The following ENOX1 variants were observed in gnomAD, a reference collection of about 807,000 sequenced individuals.
The protein encoded by ENOX1 is ecto-NOX disulfide-thiol exchanger 1, also known as candidate growth-related and time keeping constitutive hydroquinone (NADH) oxidase.
ENOX1 carries 42 observed loss-of-function variants against 82.5 expected under a neutral mutation model. That is an observed-to-expected ratio of 0.51 (90% confidence interval 0.40 to 0.66). The LOEUF is 0.66. Among genes scored for constraint, ENOX1 ranks in the 30% least tolerant of loss-of-function variants. The pLI, the probability that ENOX1 is intolerant of heterozygous loss-of-function variation, is 0.00. For missense variants in ENOX1, 608 were observed against 811.6 expected (o/e 0.75, Z 3.05); for synonymous variants, 271 against 282.2 (o/e 0.96, Z 0.40).
At chr13:43,519,812 C>T (rs956634904) in intron 2 of ENOX1, among the ~76,000 whole-genome samples, 1 of 152,162 alleles carries the variant, frequency 6.6e-6, no homozygotes, top group African/African-American at 2.4e-5. Context: ...CATAAGCAAC[C>T]TTCTTGGCAG....
rs1270740620 is a variant in ENOX1 at position 43,359,888 on chromosome 13, T to C, written c.552A>G (p.Ala184=). Residue 184 remains alanine, a synonymous_variant, in exon 7 of 17, where the codon GCA becomes GCG. Coordinates refer to ENST00000690772, the MANE Select transcript of ENOX1 (RefSeq NM_001347969.2). ...SKKNFCHIRF[A]EEFMVDKAIY... ...TGGCTTTATCAACCATGAATTCCTC[T>C]GCAAAGCGAATGTGACAAAAATTCT... The C allele has an allele frequency of 2.5e-6, 4 of 1,614,238 alleles. No homozygotes were observed. Among genetic ancestry groups the C allele is most frequent in the Non-Finnish European group, 3.4e-6 (4 of 1,180,028 alleles).
At chr13:43,716,650 G>T (rs1398678391) in intron 1 of ENOX1, among the ~76,000 whole-genome samples, 1 of 152,064 alleles carries the variant, frequency 6.6e-6, no homozygotes, top group African/African-American at 2.4e-5. Flanking sequence ...CTCCACCAAA[G>T]GCTCCTGGAA....
chr13:43,254,554 G>A (rs1292252464), intron 14 of ENOX1, among the ~76,000 whole-genome samples: 2 of 152,098 alleles, frequency 1.3e-5, no homozygotes, highest in African/African-American at 4.8e-5. Flanking sequence ...TGCTTTAAAT[G>A]ATAGCTGAAT....
At chr13:43,392,524 C>CA (rs956119950) in intron 5 of ENOX1, among the ~76,000 whole-genome samples, 14 of 152,142 alleles carry the variant, frequency 9.2e-5, no homozygotes, top group African/African-American at 3.1e-4. Flanking sequence ...ACTAAAAATA[C>CA]AAAAAATATA....
At chr13:43,539,695 ATTAT>A (rs1447343323) in intron 2 of ENOX1, among the ~76,000 whole-genome samples, 3 of 152,114 alleles carry the variant, frequency 2.0e-5, no homozygotes, top group Non-Finnish European at 2.9e-5. Context: ...AGTTTGTCAT[ATTAT>A]TTAAACTTTC....
chr13:43,641,147 G>C (rs890215430), intron 2 of ENOX1, among the ~76,000 whole-genome samples: 5 of 152,046 alleles, frequency 3.3e-5, no homozygotes, highest in African/African-American at 1.2e-4. Context: ...ATTTGGAGGG[G>C]CATCAAGGTA....
intron 12 of ENOX1, among the ~76,000 whole-genome samples, chr13:43,276,626 C>T (rs2045049316): frequency 6.6e-6 from 1 of 152,228 alleles, no homozygotes; most frequent in Admixed American, 6.5e-5. Context: ...GCTTGTTTTC[C>T]ATCTGACACT....
intron 10 of ENOX1, among the ~76,000 whole-genome samples, chr13:43,325,011 A>C (rs866795126): frequency 1.1e-4 from 17 of 152,254 alleles, no homozygotes; most frequent in Non-Finnish European, 4.4e-5. Context: ...AATAATTCAC[A>C]GACTGATCAT....
At chr13:43,687,727 C>G (rs1176444827) in intron 1 of ENOX1, among the ~76,000 whole-genome samples, 1 of 152,100 alleles carries the variant, frequency 6.6e-6, no homozygotes, top group African/African-American at 2.4e-5. Flanking sequence ...GTGGCCCTTC[C>G]TCTTGCAGAA....
At chr13:43,364,365 A>AT (rs2050712170) in intron 5 of ENOX1, among the ~76,000 whole-genome samples, 1 of 152,164 alleles carries the variant, frequency 6.6e-6, no homozygotes, top group Admixed American at 6.5e-5. Context: ...AAAGAATCCA[A>AT]TTACGTATAC....
At chr13:43,422,105 C>T (rs865980911) in intron 3 of ENOX1, among the ~76,000 whole-genome samples, 1 of 151,678 alleles carries the variant, frequency 6.6e-6, no homozygotes, top group Non-Finnish European at 1.5e-5. Flanking sequence ...CAGATGAATT[C>T]AAAGTGTCAA....
intron 2 of ENOX1, among the ~76,000 whole-genome samples, chr13:43,519,714 G>A (rs2077689422): frequency 6.6e-6 from 1 of 152,110 alleles, no homozygotes; most frequent in South Asian, 2.1e-4. Context: ...AGCAAGAGAA[G>A]GCAGCACCAA....
chr13:43,731,703 T>C (rs1375611481), intron 1 of ENOX1, among the ~76,000 whole-genome samples: 1 of 152,216 alleles, frequency 6.6e-6, no homozygotes, highest in Non-Finnish European at 1.5e-5. Context: ...GTATCTAGCT[T>C]AGTCTCCCTC....
chr13:43,650,774 G>C (rs996149186), intron 2 of ENOX1, among the ~76,000 whole-genome samples: 1 of 152,196 alleles, frequency 6.6e-6, no homozygotes, highest in East Asian at 1.9e-4. Flanking sequence ...GGAGGCAGAG[G>C]TTGCAGTGAG....
At chr13:43,218,495 A>T (rs978712412) in intron 16 of ENOX1, among the ~76,000 whole-genome samples, 9 of 152,084 alleles carry the variant, frequency 5.9e-5, no homozygotes, top group African/African-American at 1.9e-4. Context: ...ATATGGTGGC[A>T]TGTCCCTGTG....
At chr13:43,271,471 T>C (rs894766354) in intron 12 of ENOX1, among the ~76,000 whole-genome samples, 7 of 152,086 alleles carry the variant, frequency 4.6e-5, no homozygotes, top group African/African-American at 1.7e-4. Context: ...CTTGTCAGTT[T>C]TCTGGTATAT....
intron 1 of ENOX1, among the ~76,000 whole-genome samples, chr13:43,678,877 T>C (rs2153795817): frequency 6.6e-6 from 1 of 152,326 alleles, no homozygotes; most frequent in African/African-American, 2.4e-5. Flanking sequence ...AAAACCCTGT[T>C]GTAAAGTTAA....
intron 13 of ENOX1, among the ~76,000 whole-genome samples, chr13:43,266,481 A>C (rs184851651): frequency 6.6e-6 from 1 of 152,190 alleles, no homozygotes; most frequent in South Asian, 2.1e-4. Context: ...GGTTTTGCCA[A>C]AGGAATGGTA....
chr13:43,460,920 G>A (rs1159938982), intron 3 of ENOX1, among the ~76,000 whole-genome samples: 3 of 149,950 alleles, frequency 2.0e-5, no homozygotes, highest in African/African-American at 7.4e-5. Flanking sequence ...ACCTGCACCA[G>A]AGAGCTGCAA....
Sources: gnomAD v4.1 joint callset for allele counts (sites outside exome capture counted in the v4.1 genomes callset) on GRCh38, gnomAD v4.1.1 for gene constraint, MANE v1.5 for transcripts, NCBI Gene and HGNC (gene_info 2026-07-23, HGNC 2026-07-21) for gene names.